The following NAV2 variants were observed in gnomAD, a reference collection of about 807,000 sequenced individuals.
The protein encoded by NAV2 is helicase, APC down-regulated 1.
NAV2 carries 54 observed loss-of-function variants against 223.2 expected under a neutral mutation model. That is an observed-to-expected ratio of 0.24 (90% CI 0.19 to 0.30). The LOEUF is 0.30. Among genes scored for constraint, NAV2 ranks in the 10% least tolerant of loss-of-function variants. The pLI, the probability that NAV2 is intolerant of heterozygous loss-of-function variation, is 1.00. For synonymous variants in NAV2, 1,279 were observed against 1,239.3 expected (o/e 1.03, Z -0.67); for missense variants, 2,806 against 3,147.5 (o/e 0.89, Z 2.60).
At chr11:19,751,673 C>A (rs1317692551) in intron 1 of NAV2, among the ~76,000 whole-genome samples, 1 of 152,190 alleles carries the variant, frequency 6.6e-6, no homozygotes, top group Admixed American at 6.5e-5. Context: ...CCAATATTCT[C>A]TACTCTCTTC....
intron 1 of NAV2, among the ~76,000 whole-genome samples, chr11:19,446,703 C>CA (rs1402849245): frequency 1.3e-5 from 2 of 152,174 alleles, no homozygotes; most frequent in Non-Finnish European, 1.5e-5. Context: ...ATGCAAACAG[C>CA]TGAACCGCTG....
At chr11:19,709,167 C>A (rs1035000267), upstream of NAV2, among the ~76,000 whole-genome samples, 1 of 149,102 alleles carries the variant, frequency 6.7e-6, no homozygotes, top group African/African-American at 2.5e-5. Flanking sequence ...AAAATAGCTT[C>A]CCCCCGCCCC....
At chr11:19,508,113 G>A (rs2043176537) in intron 1 of NAV2, among the ~76,000 whole-genome samples, 1 of 152,158 alleles carries the variant, frequency 6.6e-6, no homozygotes, top group Non-Finnish European at 1.5e-5. Context: ...GGATGAAGGA[G>A]GGAGATTGTT....
chr11:19,987,780 G>A (rs896466713), intron 11 of NAV2, among the ~76,000 whole-genome samples: 2 of 152,152 alleles, frequency 1.3e-5, no homozygotes, highest in Non-Finnish European at 2.9e-5. Flanking sequence ...TGCCACTCCT[G>A]GGCTCCAGGT....
At chr11:19,953,569 A>G (rs1002010459) in intron 10 of NAV2, among the ~76,000 whole-genome samples, 1 of 152,182 alleles carries the variant, frequency 6.6e-6, no homozygotes, top group Non-Finnish European at 1.5e-5. Flanking sequence ...CTCCCCTGTG[A>G]TGTCCTCTGG....
chr11:19,359,240 A>G (rs1185795080), intron 1 of NAV2, among the ~76,000 whole-genome samples: 1 of 152,204 alleles, frequency 6.6e-6, no homozygotes, highest in Non-Finnish European at 1.5e-5. Flanking sequence ...CTTAGAGGTA[A>G]AAGTTCTGCA....
chr11:19,557,242 A>AAC (rs2044924792), intron 1 of NAV2, among the ~76,000 whole-genome samples: 1 of 152,232 alleles, frequency 6.6e-6, no homozygotes, highest in African/African-American at 2.4e-5. Context: ...CATTGATGCC[A>AAC]GCGGAGGTTA....
At chr11:19,486,074 A>T (rs2042435371) in intron 1 of NAV2, among the ~76,000 whole-genome samples, 1 of 152,098 alleles carries the variant, frequency 6.6e-6, no homozygotes, top group African/African-American at 2.4e-5. Context: ...CAGGAATGAG[A>T]TACAGCAAAA....
intron 1 of NAV2, among the ~76,000 whole-genome samples, chr11:19,376,298 C>G (rs1160304747): frequency 6.6e-6 from 1 of 152,170 alleles, no homozygotes; most frequent in Non-Finnish European, 1.5e-5. Context: ...AAAACAATTG[C>G]TGGTGAAGCA....
At chr11:19,354,356 G>A (rs1038428544) in intron 1 of NAV2, among the ~76,000 whole-genome samples, 1 of 152,218 alleles carries the variant, frequency 6.6e-6, no homozygotes, top group African/African-American at 2.4e-5. Context: ...AATGTTACTA[G>A]TGTGGCCAAA....
At chr11:19,633,782 C>A (rs1247195156) in intron 1 of NAV2, among the ~76,000 whole-genome samples, 5 of 152,202 alleles carry the variant, frequency 3.3e-5, no homozygotes, top group African/African-American at 4.8e-5. Flanking sequence ...GGCCTTTGCT[C>A]CATAAAGTGC....
intron 1 of NAV2, among the ~76,000 whole-genome samples, chr11:19,587,360 C>T (rs576157254): frequency 1.2e-4 from 18 of 152,316 alleles, no homozygotes; most frequent in South Asian, 1.0e-3. Context: ...CTTCAGCTCA[C>T]GCTCAGTGAG....
At chr11:20,064,444 C>T (rs796666834) in intron 20 of NAV2, among the ~76,000 whole-genome samples, 14 of 152,300 alleles carry the variant, frequency 9.2e-5, no homozygotes, top group African/African-American at 3.4e-4. Flanking sequence ...CGTGTTTTCC[C>T]TGTGGCATTC....
chr11:19,486,938 T>A (rs1282198512), intron 1 of NAV2, among the ~76,000 whole-genome samples: 1 of 152,170 alleles, frequency 6.6e-6, no homozygotes, highest in Non-Finnish European at 1.5e-5. Context: ...CCCCACAGGA[T>A]GCCTAGGGAA....
rs568875624 is a variant in NAV2, at chr11:19,497,277, CTG to C, written c.75+146253_75+146254del. 3.6e-3 allele frequency among the ~76,000 whole-genome samples: 547 copies of C among 152,328 alleles called. 5 individuals carry two copies. The highest frequency in any genetic ancestry group is 0.031 in the Middle Eastern group (9 of 294). ...AGTTAATGTTTGGAAAGTGCTTAGA[CTG>C]TGCCCAGAACATTGTAAGTGCCGTA... On this transcript the variant is annotated intron_variant, in intron 1 of 37. Coordinates refer to the NAV2 transcript ENST00000360655.
chr11:19,432,546 G>A (rs1362413748), intron 1 of NAV2, among the ~76,000 whole-genome samples: 2 of 152,220 alleles, frequency 1.3e-5, no homozygotes, highest in Admixed American at 6.5e-5. Flanking sequence ...GAAGCCAAAA[G>A]GCGTCATGGA....
At chr11:19,706,298 GACTTA>G in intron 1 of NAV2, among the ~76,000 whole-genome samples, 1 of 152,150 alleles carries the variant, frequency 6.6e-6, no homozygotes, top group Non-Finnish European at 1.5e-5. Context: ...ATGTTTCCTA[GACTTA>G]ACTTATAGAA....
intron 1 of NAV2, among the ~76,000 whole-genome samples, chr11:19,548,369 G>A (rs928716714): frequency 6.6e-6 from 1 of 152,152 alleles, no homozygotes; most frequent in Non-Finnish European, 1.5e-5. Flanking sequence ...TAAGAGACCT[G>A]TGCCTATATA....
At chr11:19,710,411 A>AT (rs1264354404), upstream of NAV2, among the ~76,000 whole-genome samples, 1 of 152,248 alleles carries the variant, frequency 6.6e-6, no homozygotes, top group African/African-American at 2.4e-5. Context: ...TCTTAGGCAT[A>AT]TTAAGGTTTA....
Sources: gnomAD v4.1 joint callset for allele counts (sites outside exome capture counted in the v4.1 genomes callset) on GRCh38, gnomAD v4.1.1 for gene constraint, MANE v1.5 for transcripts, NCBI Gene and HGNC (gene_info 2026-07-23, HGNC 2026-07-21) for gene names.